The following CDH23 variants were observed in gnomAD, a reference collection of about 807,000 sequenced individuals.
The protein encoded by CDH23 is cadherin related 23.
A neutral mutation model predicts 317.1 loss-of-function variants in CDH23; 189 were observed. The observed-to-expected ratio is 0.60, with a 90% CI of 0.53 to 0.67. The LOEUF is 0.67. Among genes scored for constraint, CDH23 ranks in the 30% least tolerant of loss-of-function variants. The pLI, the probability that CDH23 is intolerant of heterozygous loss-of-function variation, is 0.00. For missense variants in CDH23, 4,401 were observed against 4,592.4 expected (o/e 0.96, Z 1.20); for synonymous variants, 1,839 against 1,876.8 (o/e 0.98, Z 0.52).
At chr10:71,684,867 C>T (rs1181944600) in intron 18 of CDH23, among the ~76,000 whole-genome samples, 2 of 152,162 alleles carry the variant, frequency 1.3e-5, no homozygotes, top group South Asian at 2.1e-4. Context: ...CTAGACAGGC[C>T]TAAGTAGCGA....
At position 71,415,838 on chromosome 10, in the gene CDH23, T is replaced by C. The variant is rs527773111; in HGVS notation, c.-6+18520T>C. Among the ~76,000 whole-genome samples the C allele has an allele frequency of 3.3e-4, 51 of 152,364 alleles. 2 individuals are homozygous for C. In the South Asian group the frequency reaches 7.5e-3, roughly 22 times the overall value. On this transcript the variant is annotated intron_variant, in intron 1 of 69. Coordinates refer to ENST00000224721, the MANE Select transcript of CDH23 (RefSeq NM_022124.6). Reference sequence around the variant, plus strand: ...TTACAGTTGTTTTTAAGCTTAATTCTGTTATGATCAAAGAATATACTTTTA... The same window carrying C: ...TTACAGTTGTTTTTAAGCTTAATTCCGTTATGATCAAAGAATATACTTTTA...
chr10:71,773,412 C>T, intron 38 of CDH23: 1 of 1,607,526 alleles, frequency 6.2e-7, no homozygotes, highest in Non-Finnish European at 8.5e-7. Context: ...CGCCAGCTGC[C>T]GGCCTCCAGG....
intron 19 of CDH23, 35 bp downstream of exon 19, chr10:71,687,754 GA>G (rs1159960712): frequency 4.4e-6 from 7 of 1,597,730 alleles, no homozygotes; most frequent in Non-Finnish European, 6.0e-6. Context: ...GGGGCACATG[GA>G]GGTAGGCAGC....
intron 1 of CDH23, among the ~76,000 whole-genome samples, chr10:71,434,772 G>C (rs561267895): frequency 1.3e-5 from 2 of 152,268 alleles, no homozygotes; most frequent in Admixed American, 1.3e-4. Flanking sequence ...AAGCAGTAGC[G>C]GGTGAGGAGG....
At chr10:71,499,594 C>G (rs1311240156) in intron 3 of CDH23, among the ~76,000 whole-genome samples, 1 of 151,088 alleles carries the variant, frequency 6.6e-6, no homozygotes, top group Non-Finnish European at 1.5e-5. Flanking sequence ...AATCCCAGCA[C>G]TTTGGGAGGC....
intron 9 of CDH23, among the ~76,000 whole-genome samples, chr10:71,594,903 T>C (rs919729743): frequency 2.0e-5 from 3 of 152,192 alleles, no homozygotes; most frequent in Non-Finnish European, 2.9e-5. Flanking sequence ...GACATATATA[T>C]ACAGCAAAAT....
chr10:71,403,892 C>A (rs1342874067), intron 1 of CDH23, among the ~76,000 whole-genome samples: 1 of 152,072 alleles, frequency 6.6e-6, no homozygotes, highest in Non-Finnish European at 1.5e-5. Flanking sequence ...GAGCTAGAGA[C>A]CAGCCTGACC....
chr10:71,443,680 T>A (rs979473494), intron 2 of CDH23, among the ~76,000 whole-genome samples: 1 of 151,936 alleles, frequency 6.6e-6, no homozygotes, highest in African/African-American at 2.4e-5. Context: ...GAGAGAGGGG[T>A]CCTGCACTTG....
Position 71,807,165 on chromosome 10 carries a change from G to A in CDH23, c.8179-112G>A. On this transcript the variant is annotated intron_variant, in intron 57 of 69. Transcript: ENST00000224721. The stretch of plus-strand genomic sequence containing the variant: ...GGTTCTACTCACCCCATAAGGCCTG[G>A]ACAGTAAACTCCCTCAGCACCTACA... The A allele has an allele frequency of 2.2e-6, 3 of 1,355,952 alleles. No homozygotes were observed. In the South Asian group the frequency reaches 4.2e-5, roughly 19 times the overall value. The allele number at this position is 1,355,952 out of a possible 1,614,324, so 84.0% of individuals were successfully genotyped here. A position where few individuals can be genotyped will look rare whatever the true frequency, so the allele number is the denominator to read the frequency against.
chr10:71,571,295 G>C (rs552113189), intron 8 of CDH23, among the ~76,000 whole-genome samples: 4 of 152,230 alleles, frequency 2.6e-5, no homozygotes, highest in Admixed American at 1.3e-4. Flanking sequence ...TGTCTCTGCC[G>C]TGTCAGTCTG....
At chr10:71,724,823 G>A (rs1402678776) in intron 29 of CDH23, among the ~76,000 whole-genome samples, 1 of 152,210 alleles carries the variant, frequency 6.6e-6, no homozygotes, top group African/African-American at 2.4e-5. Context: ...CGAATCAGGG[G>A]TAAAGTCACT....
Position 71,511,183 on chromosome 10 carries a change from A to T in CDH23, c.400A>T (p.Asn134Tyr), listed in dbSNP as rs1363902366. The change falls in exon 6 of 70, where the codon AAT becomes TAT. Residue 134 changes from asparagine (N) to tyrosine (Y), a missense_variant. Coordinates refer to ENST00000224721, the MANE Select transcript of CDH23 (RefSeq NM_022124.6). ...GAATGACAACGCGCCCACATTTCACAATCAGCCCTACAGCGTCCGCATCCC... is the reference window on the plus strand; with the variant it reads ...GAATGACAACGCGCCCACATTTCACTATCAGCCCTACAGCGTCCGCATCCC... ...DVNDNAPTFH[N>Y]QPYSVRIPEN... The T allele has an allele frequency of 1.2e-6, 2 of 1,613,640 alleles. No individual in the cohort carries two copies. Among genetic ancestry groups the T allele is most frequent in the Middle Eastern group, 1.7e-4 (1 of 6,058 alleles).
rs1841774102 is a variant in CDH23, at chr10:71,807,667, C to A, written c.8460C>A (p.Thr2820=). The A allele has an allele frequency of 1.2e-6, 2 of 1,613,966 alleles. No homozygotes were observed. Among genetic ancestry groups the A allele is most frequent in the Non-Finnish European group, 1.7e-6 (2 of 1,179,862 alleles). ...CACCTCCCCGTGGACCCTCCCCAAC[C>A]CTCGACCTGGTTGCTGACCTCACAC... The part of the protein sequence containing the change: ...SWTPPRGPSP[T]LDLVADLTLQ... Residue 2820 remains threonine (T), a synonymous_variant, in exon 59 of 70, where the codon ACC becomes ACA. Coordinates refer to ENST00000224721, the MANE Select transcript of CDH23 (RefSeq NM_022124.6).
At chr10:71,542,714 C>T (rs1856050344) in intron 6 of CDH23, among the ~76,000 whole-genome samples, 2 of 152,238 alleles carry the variant, frequency 1.3e-5, no homozygotes, top group African/African-American at 4.8e-5. Context: ...CCTGCCTCCA[C>T]AGCCTGGTGC....
At chr10:71,686,252 C>T (rs1414813912) in intron 18 of CDH23, among the ~76,000 whole-genome samples, 1 of 152,004 alleles carries the variant, frequency 6.6e-6, no homozygotes, top group Non-Finnish European at 1.5e-5. Context: ...TTTCGTGCAG[C>T]CAAGCAGAAG....
At chr10:71,526,392 TC>T (rs1256191829) in intron 6 of CDH23, among the ~76,000 whole-genome samples, 1 of 152,166 alleles carries the variant, frequency 6.6e-6, no homozygotes, top group African/African-American at 2.4e-5. Context: ...CAGAGGGACT[TC>T]CCCCGTTTCT....
chr10:71,643,049 T>C (rs968935997), intron 11 of CDH23, among the ~76,000 whole-genome samples: 1 of 152,222 alleles, frequency 6.6e-6, no homozygotes, highest in African/African-American at 2.4e-5. Context: ...TTTAGAATAG[T>C]GCCTGACCAA....
At chr10:71,708,504 A>C (rs1865867277) in intron 26 of CDH23, among the ~76,000 whole-genome samples, 1 of 152,058 alleles carries the variant, frequency 6.6e-6, no homozygotes. Flanking sequence ...CACACTTCCC[A>C]CCTGTCCCAG....
At chr10:71,623,991 G>C (rs1161058698) in intron 11 of CDH23, among the ~76,000 whole-genome samples, 1 of 152,212 alleles carries the variant, frequency 6.6e-6, no homozygotes, top group Non-Finnish European at 1.5e-5. Context: ...TCCTCCCGCT[G>C]TGCCTCAGTG....
Sources: gnomAD v4.1 joint callset for allele counts (sites outside exome capture counted in the v4.1 genomes callset) on GRCh38, gnomAD v4.1.1 for gene constraint, MANE v1.5 for transcripts, NCBI Gene and HGNC (gene_info 2026-07-23, HGNC 2026-07-21) for gene names.